EBF1: variants seen among roughly 807,000 people sequenced by gnomAD.
EBF1 encodes EBF transcription factor 1, also known as transcription factor COE1.
EBF1 carries 10 observed loss-of-function variants against 68.4 expected under a neutral mutation model. That is an observed-to-expected ratio of 0.15 (90% CI 0.09 to 0.25). EBF1 has a LOEUF of 0.25. Among genes scored for constraint, EBF1 ranks in the 10% least tolerant of loss-of-function variants. EBF1 has a pLI of 1.00. For missense variants in EBF1, 509 were observed against 794.4 expected, an observed-to-expected ratio of 0.64 and a Z score of 4.32; for synonymous variants, 298 against 299.8, an observed-to-expected ratio of 0.99 and a Z score of 0.06.
intron 8 of EBF1, among the ~76,000 whole-genome samples, chr5:158,810,957 A>C (rs1459168368): frequency 6.6e-6 from 1 of 152,194 alleles, no homozygotes; most frequent in Non-Finnish European, 1.5e-5. Context: ...GCCGGCAGAA[A>C]AGCCACAATC....
chr5:159,038,845 T>A (rs760170404), intron 6 of EBF1, among the ~76,000 whole-genome samples: 1 of 152,120 alleles, frequency 6.6e-6, no homozygotes, highest in Non-Finnish European at 1.5e-5. Flanking sequence ...TAGAAAGAGA[T>A]CCTGGTTCAG....
At chr5:158,759,819 G>A (rs754775445) in intron 10 of EBF1, among the ~76,000 whole-genome samples, 15 of 151,918 alleles carry the variant, frequency 9.9e-5, no homozygotes, top group African/African-American at 3.4e-4. Context: ...TTGGGGGCAA[G>A]AACCTCACCT....
rs370362517 is a variant in EBF1, at chr5:159,073,472, G to A, written c.486-8C>T. ...TTCTTGTCACAACAGCGGCTATGGA[G>A]CAAAAGCGAAAGGATTTAGTACAAC... On this transcript the variant is annotated splice_region_variant and splice_polypyrimidine_tract_variant and intron_variant, in intron 5 of 15. Transcript: ENST00000313708. The A allele has an allele frequency of 1.9e-6, 3 of 1,613,862 alleles. No homozygotes were observed. Among genetic ancestry groups the A allele is most frequent in the Non-Finnish European group, 2.5e-6 (3 of 1,179,922 alleles).
chr5:159,037,651 T>A (rs1272579755), intron 6 of EBF1, among the ~76,000 whole-genome samples: 1 of 119,474 alleles, frequency 8.4e-6, no homozygotes, highest in East Asian at 2.5e-4. Flanking sequence ...CTCTGGGGAC[T>A]GTGGTGGGGT....
At position 158,838,488 on chromosome 5, in the gene EBF1, C is replaced by G. The variant is rs181445532; in HGVS notation, c.636+1541G>C. Among the ~76,000 whole-genome samples, 3 of 151,778 alleles carry G rather than the reference C, an allele frequency of 2.0e-5. No homozygotes were observed. In the East Asian group the frequency reaches 5.8e-4, roughly 29 times the overall value. The stretch of plus-strand genomic sequence containing the variant: ...GAAAGAAAAGAAAAAAAGAAACATC[C>G]CCATTCCTGTGTGTCAAGCCAAAAG... On this transcript the variant is annotated intron_variant, in intron 7 of 15. Transcript: ENST00000313708.
intron 5 of EBF1, among the ~76,000 whole-genome samples, chr5:159,082,358 C>A (rs1005294601): frequency 2.6e-5 from 4 of 152,146 alleles, no homozygotes; most frequent in Admixed American, 6.5e-5. Flanking sequence ...AAATCCAGGG[C>A]CCTCACTATT....
intron 6 of EBF1, among the ~76,000 whole-genome samples, chr5:158,865,621 T>C (rs1795740356): frequency 6.6e-6 from 1 of 152,176 alleles, no homozygotes. Flanking sequence ...TTAAGATATA[T>C]TTGTTGTGCC....
At chr5:158,765,772 T>G (rs1383893816) in intron 10 of EBF1, among the ~76,000 whole-genome samples, 1 of 152,176 alleles carries the variant, frequency 6.6e-6, no homozygotes, top group Admixed American at 6.5e-5. Context: ...TGGGATGGTT[T>G]CCACCTGCAC....
Position 158,696,311 on chromosome 5 carries a change from A to C in EBF1, c.*2800T>G, listed in dbSNP as rs1275176550. 1 of 220,978 alleles carries C rather than the reference A, an allele frequency of 4.5e-6. No homozygotes were observed. The highest frequency in any genetic ancestry group is 9.1e-6 in the Non-Finnish European group (1 of 110,462). 13.7% of individuals were successfully genotyped at this position (220,978 alleles called of 1,614,324 possible). Reference sequence around the variant, plus strand: ...TTTTGTGGAGAAGAAAGAGGATCAGAGGGCCAGAATGTCTTTTCATCTAAT... The same window carrying C: ...TTTTGTGGAGAAGAAAGAGGATCAGCGGGCCAGAATGTCTTTTCATCTAAT... On this transcript the variant is annotated 3_prime_UTR_variant, in exon 16 of 16. Transcript: ENST00000313708.
intron 6 of EBF1, among the ~76,000 whole-genome samples, chr5:158,840,894 A>G (rs1369315443): frequency 3.3e-5 from 5 of 151,132 alleles, no homozygotes; most frequent in Non-Finnish European, 7.4e-5. Flanking sequence ...GATGGTCTCG[A>G]TCTCCTGACC....
At chr5:159,096,929 C>A (rs758818573) in intron 2 of EBF1, 45 bp downstream of exon 2, 81 of 1,601,628 alleles carry the variant, frequency 5.1e-5, no homozygotes, top group Non-Finnish European at 6.7e-5. Context: ...GGCCTGCTCC[C>A]GAGCCGAGCC....
chr5:159,076,005 C>T (rs983881757), intron 5 of EBF1, among the ~76,000 whole-genome samples: 6 of 151,750 alleles, frequency 4.0e-5, no homozygotes, highest in African/African-American at 1.2e-4. Context: ...CCTGACACCC[C>T]ACCTTTAATC....
At chr5:158,966,274 G>A (rs1267657529) in intron 6 of EBF1, among the ~76,000 whole-genome samples, 1 of 152,112 alleles carries the variant, frequency 6.6e-6, no homozygotes, top group East Asian at 1.9e-4. Context: ...AGTAACAGCG[G>A]TTTTAAAATA....
chr5:158,786,314 C>T (rs1777436167), intron 9 of EBF1, among the ~76,000 whole-genome samples: 1 of 152,148 alleles, frequency 6.6e-6, no homozygotes, highest in Non-Finnish European at 1.5e-5. Context: ...GCAACAAGAT[C>T]ATCTTTCAAA....
Position 158,965,947 on chromosome 5 carries a change from A to T in EBF1, c.554+107449T>A, listed in dbSNP as rs530615033. ...TTTTAAATATGATAATCTACATCCT[A>T]ATGGTGCTGCAAAACCTTGGCTTAG... On this transcript the variant is annotated intron_variant, in intron 6 of 15. Coordinates refer to ENST00000313708, the MANE Select transcript of EBF1 (RefSeq NM_024007.5). 2.0e-5 allele frequency among the ~76,000 whole-genome samples: 3 copies of T among 152,290 alleles called. No homozygotes were observed. In the South Asian group the frequency reaches 6.2e-4, roughly 32 times the overall value.
chr5:158,883,154 T>G (rs1165627599), intron 6 of EBF1, among the ~76,000 whole-genome samples: 1 of 152,140 alleles, frequency 6.6e-6, no homozygotes, highest in Non-Finnish European at 1.5e-5. Flanking sequence ...GAGAGGTACA[T>G]TCATTTTTGA....
chr5:158,777,537 C>T lies in EBF1; in HGVS notation c.912G>A (p.Leu304=), dbSNP rs142560859. 68 of 1,601,008 alleles carry T rather than the reference C, an allele frequency of 4.2e-5. No homozygotes were observed. In the African/African-American group the frequency reaches 6.8e-4, roughly 16 times the overall value. Residue 304 remains leucine (L), a splice_region_variant and synonymous_variant, in exon 10 of 16, where the codon TTG becomes TTA. Transcript: ENST00000313708. The part of the protein sequence containing the change: ...IFGTMLVWSE[L]ITPHAIRVQT... ...GCACACGGATGGCATGAGGAGTGAT[C>T]AACTGGAGGAGACATTTGGGGGGAA... is the stretch of plus-strand genomic sequence containing the variant.
intron 10 of EBF1, among the ~76,000 whole-genome samples, chr5:158,775,516 C>G (rs1363403623): frequency 1.3e-5 from 2 of 151,898 alleles, no homozygotes; most frequent in African/African-American, 4.8e-5. Context: ...TTCTTAATAG[C>G]TGAGTAAATA....
chr5:158,802,134 G>A (rs999012878), intron 8 of EBF1, among the ~76,000 whole-genome samples: 3 of 152,156 alleles, frequency 2.0e-5, no homozygotes, highest in Admixed American at 6.6e-5. Flanking sequence ...GGGCCCTAGG[G>A]CTGCTCTTAT....
Sources: allele counts gnomAD v4.1 joint callset (sites outside exome capture counted in the v4.1 genomes callset), GRCh38; gene constraint gnomAD v4.1.1; transcripts MANE v1.5; gene names NCBI Gene and HGNC (gene_info 2026-07-23, HGNC 2026-07-21).